GATA4: variants seen among roughly 807,000 people sequenced by gnomAD.
GATA4 encodes the protein transcription factor GATA-4.
In GATA4, 7 loss-of-function variants were observed where a neutral mutation model predicts 37.9. The observed-to-expected ratio is 0.18, with a 90% confidence interval of 0.11 to 0.35. The LOEUF (loss-of-function observed/expected upper bound fraction) is 0.35. GATA4 is among the 10% of genes least tolerant of loss of function. GATA4 has a pLI of 1.00. For missense variants in GATA4, 647 were observed against 653.0 expected (o/e 0.99, Z 0.10); for synonymous variants, 372 against 292.6 (o/e 1.27, Z -2.77).
rs983204044 is a variant in GATA4 at position 11,707,680 on chromosome 8, G to C, written c.-457-176G>C. ...GCTTGCCTGGGCCGCCTGACCCAAC[G>C]CCTGGACAAAACAAAGGCCCCTGCT... On this transcript the variant is annotated intron_variant, in intron 1 of 6. Coordinates refer to ENST00000532059, the MANE Select transcript of GATA4 (RefSeq NM_001308093.3). This position sits in a 1 kb window ranked among gnomAD's most constrained non-coding sequence, Gnocchi z 4.7. Among the ~76,000 whole-genome samples the C allele has an allele frequency of 2.6e-5, 4 of 152,126 alleles. No homozygotes were observed. The highest frequency in any genetic ancestry group is 2.4e-5 in the African/African-American group (1 of 41,426).
intron 2 of GATA4, among the ~76,000 whole-genome samples, chr8:11,714,953 C>T (rs745533163): frequency 6.6e-6 from 1 of 152,082 alleles, no homozygotes; most frequent in Non-Finnish European, 1.5e-5. Flanking sequence ...ATTTTCACTT[C>T]TAGGGATTTG....
At chr8:11,729,138 C>T (rs759870849) in intron 2 of GATA4, among the ~76,000 whole-genome samples, 4 of 152,080 alleles carry the variant, frequency 2.6e-5, no homozygotes, top group Non-Finnish European at 5.9e-5. Context: ...GAGGCTGAAG[C>T]AGGAGAATCA....
At chr8:11,727,051 G>A (rs1392871764) in intron 2 of GATA4, among the ~76,000 whole-genome samples, 4 of 152,094 alleles carry the variant, frequency 2.6e-5, no homozygotes, top group South Asian at 2.1e-4. Context: ...AGAGCTGTGC[G>A]TGCCAGCCAT....
chr8:11,754,648 C>A (rs1434294366), intron 4 of GATA4, among the ~76,000 whole-genome samples: 1 of 152,254 alleles, frequency 6.6e-6, no homozygotes, highest in East Asian at 1.9e-4. Context: ...CACCTCCACA[C>A]TGAAGCCTTC....
At chr8:11,750,798 CT>C (rs1802268762) in intron 4 of GATA4, among the ~76,000 whole-genome samples, 2 of 100,294 alleles carry the variant, frequency 2.0e-5, no homozygotes, top group Non-Finnish European at 3.9e-5. Flanking sequence ...AAAAAAAAAT[CT>C]AGCTGGGCAT....
chr8:11,707,818 A>C lies in GATA4; in HGVS notation c.-457-38A>C. ...GAGAGTGGGTTCTGAAAGCTCTGGG[A>C]TGAACCACCCTCTCTCTTTCTGTCG... On this transcript the variant is annotated intron_variant, in intron 1 of 6. Coordinates refer to ENST00000532059, the MANE Select transcript of GATA4 (RefSeq NM_001308093.3). The surrounding 1 kb of genome is among the most constrained non-coding windows in gnomAD (Gnocchi z 4.7). 2 of 205,608 alleles carry C rather than the reference A, an allele frequency of 9.7e-6. No homozygotes were observed. Among genetic ancestry groups the C allele is most frequent in the South Asian group, 1.4e-4 (2 of 14,662 alleles). The allele number at this position is 205,608 out of a possible 1,614,324, so 12.7% of individuals were successfully genotyped here. A position where few individuals can be genotyped will look rare whatever the true frequency, so the allele number is the denominator to read the frequency against.
chr8:11,685,997 G>T (rs1052325945), intron 1 of GATA4, among the ~76,000 whole-genome samples: 1 of 152,216 alleles, frequency 6.6e-6, no homozygotes, highest in Non-Finnish European at 1.5e-5. Flanking sequence ...GGACAGGACT[G>T]CAGACTGAAT....
At chr8:11,692,563 G>A (rs2129982352), upstream of GATA4, 10 of 985,432 alleles carry the variant, frequency 1.0e-5, no homozygotes, top group Non-Finnish European at 1.2e-5. Context: ...CCTTCGGGCC[G>A]CGGCGGCTCC....
At position 11,704,706 on chromosome 8, in the gene GATA4, G is replaced by A. The variant is rs577463949; in HGVS notation, c.-458+402G>A. Among the ~76,000 whole-genome samples the A allele has an allele frequency of 2.0e-5, 3 of 152,352 alleles. No homozygotes were observed. In the South Asian group the frequency reaches 6.2e-4, roughly 32 times the overall value. ...GGCTGCACGGCAGCTCGCACATGGA[G>A]GGAAGTAGACGGAGGCTTGTCGCCC... is the stretch of plus-strand genomic sequence containing the variant. On this transcript the variant is annotated intron_variant, in intron 1 of 6. Coordinates refer to ENST00000532059, the MANE Select transcript of GATA4 (RefSeq NM_001308093.3).
chr8:11,704,849 C>T (rs1799821708), intron 1 of GATA4, among the ~76,000 whole-genome samples: 1 of 152,238 alleles, frequency 6.6e-6, no homozygotes, highest in South Asian at 2.1e-4. Flanking sequence ...TATTCATGCC[C>T]TTTCTGGCCG....
intron 2 of GATA4, among the ~76,000 whole-genome samples, chr8:11,719,075 G>T (rs1346209250): frequency 2.6e-5 from 4 of 152,170 alleles, no homozygotes; most frequent in Non-Finnish European, 5.9e-5. Context: ...CTGGGAAATG[G>T]CAAAGTTACA....
At chr8:11,690,362 C>A (rs1018365370), upstream of GATA4, among the ~76,000 whole-genome samples, 7 of 152,170 alleles carry the variant, frequency 4.6e-5, no homozygotes, top group African/African-American at 1.4e-4. Flanking sequence ...TAAAAAATGT[C>A]TACTATATGT....
At position 11,709,173 on chromosome 8, in the gene GATA4, T is replaced by A. The variant is rs1045230747; in HGVS notation, c.616+245T>A. Among the ~76,000 whole-genome samples, 3 of 151,522 alleles carry A rather than the reference T, an allele frequency of 2.0e-5. No individual in the cohort carries two copies. Among genetic ancestry groups the A allele is most frequent in the African/African-American group, 7.3e-5 (3 of 41,196 alleles). ...GGCCTCTTCTGAGATGGTGTCAGGG[T>A]CGGAGTGCGGCCTCCCCGCCATCCC... On this transcript the variant is annotated intron_variant, in intron 2 of 6. Coordinates refer to ENST00000532059, the MANE Select transcript of GATA4 (RefSeq NM_001308093.3). This position sits in a 1 kb window ranked among gnomAD's most constrained non-coding sequence, Gnocchi z 4.3.
chr8:11,735,047 T>A lies in GATA4; in HGVS notation c.617-13869T>A, dbSNP rs570214474. Reference sequence around the variant, plus strand: ...CATGTATAATTAAAACTGGGAAACATAATAGGCAAAAAAGAGACTGGAATT... The same window carrying A: ...CATGTATAATTAAAACTGGGAAACAAAATAGGCAAAAAAGAGACTGGAATT... On this transcript the variant is annotated intron_variant, in intron 2 of 6. Coordinates refer to ENST00000532059, the MANE Select transcript of GATA4 (RefSeq NM_001308093.3). 1.1e-3 allele frequency among the ~76,000 whole-genome samples: 161 copies of A among 152,290 alleles called. 1 individual carries two copies. Among genetic ancestry groups the A allele is most frequent in the Non-Finnish European group, 1.8e-3 (121 of 68,014 alleles).
At chr8:11,718,427 A>G (rs1008237796) in intron 2 of GATA4, among the ~76,000 whole-genome samples, 1 of 152,260 alleles carries the variant, frequency 6.6e-6, no homozygotes, top group Non-Finnish European at 1.5e-5. Flanking sequence ...AGTAAAATCC[A>G]GACAGGTGGG....
At chr8:11,723,239 C>T (rs1029133176) in intron 2 of GATA4, among the ~76,000 whole-genome samples, 2 of 151,944 alleles carry the variant, frequency 1.3e-5, no homozygotes, top group African/African-American at 4.8e-5. Context: ...TGCCTGTAGT[C>T]CCAGATACTT....
At chr8:11,747,131 G>C (rs1359145964) in intron 2 of GATA4, among the ~76,000 whole-genome samples, 2 of 152,226 alleles carry the variant, frequency 1.3e-5, no homozygotes, top group Non-Finnish European at 2.9e-5. Flanking sequence ...CTCTTCACTA[G>C]AGAAAAATCT....
intron 2 of GATA4, among the ~76,000 whole-genome samples, chr8:11,734,835 G>T (rs1052404573): frequency 3.9e-5 from 6 of 152,164 alleles, no homozygotes; most frequent in South Asian, 4.1e-4. Context: ...TGAGGGCTCC[G>T]TCCGATGGCC....
At chr8:11,741,248 C>T (rs1430754573) in intron 2 of GATA4, among the ~76,000 whole-genome samples, 3 of 152,068 alleles carry the variant, frequency 2.0e-5, no homozygotes, top group East Asian at 1.9e-4. Context: ...GAGGCTGAGG[C>T]GGGAGGATTG....
Sources: allele counts gnomAD v4.1 joint callset (sites outside exome capture counted in the v4.1 genomes callset), GRCh38; gene constraint gnomAD v4.1.1; non-coding constraint Gnocchi (gnomAD v3.1); transcripts MANE v1.5; gene names NCBI Gene and HGNC (gene_info 2026-07-23, HGNC 2026-07-21).